The following EYS variants were observed in gnomAD, a reference collection of about 807,000 sequenced individuals.
The protein encoded by EYS is protein eyes shut homolog.
In EYS, 250 loss-of-function variants were observed where a neutral mutation model predicts 282.1. The observed-to-expected ratio is 0.89, with a 90% CI of 0.80 to 0.98. The LOEUF (loss-of-function observed/expected upper bound fraction) is 0.98, where lower values mean the gene tolerates loss of function less well. EYS is among the 50% of genes least tolerant of loss of function. EYS has a pLI of 0.00. For missense variants in EYS, 4,016 were observed against 3,709.0 expected (o/e 1.08, Z -2.15); for synonymous variants, 1,355 against 1,282.9 (o/e 1.06, Z -1.20).
intron 12 of EYS, among the ~76,000 whole-genome samples, chr6:65,153,939 A>G (rs535514069): frequency 6.6e-6 from 1 of 151,972 alleles, no homozygotes; most frequent in Non-Finnish European, 1.5e-5. Context: ...GATATCATTC[A>G]AAGTGCCTCC....
At chr6:64,711,109 C>T (rs1771198110) in intron 22 of EYS, among the ~76,000 whole-genome samples, 1 of 152,132 alleles carries the variant, frequency 6.6e-6, no homozygotes, top group Non-Finnish European at 1.5e-5. Context: ...GGTGTTAATA[C>T]TGTAATTAGG....
Position 64,390,497 on chromosome 6 carries a change from C to A in EYS, c.5928-1657G>T, listed in dbSNP as rs930808925. Among the ~76,000 whole-genome samples, 1,094 of 151,418 alleles carry A rather than the reference C, an allele frequency of 7.2e-3. 10 individuals carry two copies. The highest frequency in any genetic ancestry group is 0.025 in the African/African-American group (1,021 of 41,168). ...CCCGGAGCAGCCTAACTGGGAGGCA[C>A]CCCCCAGCAGGGGCACACTGACACC... is the stretch of plus-strand genomic sequence containing the variant. On this transcript the variant is annotated intron_variant, in intron 28 of 42. Transcript: ENST00000503581.
At chr6:64,555,434 G>C (rs1765207260) in intron 26 of EYS, among the ~76,000 whole-genome samples, 1 of 151,800 alleles carries the variant, frequency 6.6e-6, no homozygotes, top group Non-Finnish European at 1.5e-5. Context: ...CCTAATGTAT[G>C]ACACAGCGAC....
At chr6:64,050,953 C>T (rs575552702) in intron 33 of EYS, among the ~76,000 whole-genome samples, 2 of 152,196 alleles carry the variant, frequency 1.3e-5, no homozygotes, top group South Asian at 4.2e-4. Flanking sequence ...CTTGTTTGAG[C>T]ATATTATAAT....
intron 2 of EYS, among the ~76,000 whole-genome samples, chr6:65,534,951 G>A (rs1041459576): frequency 1.3e-5 from 2 of 152,014 alleles, no homozygotes; most frequent in African/African-American, 4.8e-5. Flanking sequence ...TCTTTTACAC[G>A]CATCTCATTG....
At chr6:64,392,572 A>G (rs1010808468) in intron 28 of EYS, among the ~76,000 whole-genome samples, 1 of 151,948 alleles carries the variant, frequency 6.6e-6, no homozygotes, top group Non-Finnish European at 1.5e-5. Context: ...ATGTTCTTTG[A>G]AACCAATGAG....
intron 40 of EYS, among the ~76,000 whole-genome samples, chr6:63,774,804 G>A (rs1770024134): frequency 6.6e-6 from 1 of 151,354 alleles, no homozygotes; most frequent in Non-Finnish European, 1.5e-5. Context: ...TAGACATGGT[G>A]GAAGAAATTG....
At chr6:64,716,887 A>T (rs965410549) in intron 22 of EYS, among the ~76,000 whole-genome samples, 5 of 152,208 alleles carry the variant, frequency 3.3e-5, no homozygotes, top group Admixed American at 2.6e-4. Context: ...GCCACATATT[A>T]TACAAAGTGG....
chr6:65,364,315 T>C (rs555732949), intron 8 of EYS, among the ~76,000 whole-genome samples: 2 of 151,072 alleles, frequency 1.3e-5, no homozygotes, highest in Non-Finnish European at 3.0e-5. Flanking sequence ...CCATAAGAAG[T>C]AGTAAATAAT....
At chr6:64,032,871 C>G (rs1417829711) in intron 33 of EYS, among the ~76,000 whole-genome samples, 1 of 152,202 alleles carries the variant, frequency 6.6e-6, no homozygotes. Context: ...TCCAGACATT[C>G]TCTGAACTGC....
chr6:65,500,101 T>G (rs1766395331), intron 2 of EYS, among the ~76,000 whole-genome samples: 1 of 152,020 alleles, frequency 6.6e-6, no homozygotes. Context: ...CAGTGGTGCA[T>G]GTATTGACCT....
chr6:65,140,031 G>T (rs1336940143), intron 12 of EYS, among the ~76,000 whole-genome samples: 2 of 151,864 alleles, frequency 1.3e-5, no homozygotes, highest in Non-Finnish European at 2.9e-5. Context: ...ATATCACCAC[G>T]AAGGCAATTA....
chr6:63,838,588 C>A (rs888044164), intron 36 of EYS, among the ~76,000 whole-genome samples: 2 of 152,096 alleles, frequency 1.3e-5, no homozygotes, highest in African/African-American at 4.8e-5. Context: ...TAAACCCTGT[C>A]TTTTAGTAGG....
intron 12 of EYS, among the ~76,000 whole-genome samples, chr6:65,238,131 A>G (rs1418060999): frequency 6.6e-6 from 1 of 151,836 alleles, no homozygotes; most frequent in African/African-American, 2.4e-5. Context: ...TGAATACTAT[A>G]TTATACAAAA....
At chr6:63,725,989 AAAATT>A (rs1768599850) in intron 42 of EYS, among the ~76,000 whole-genome samples, 2 of 152,184 alleles carry the variant, frequency 1.3e-5, no homozygotes, top group African/African-American at 2.4e-5. Context: ...TAAAACCTAA[AAAATT>A]AAATTTTAAA....
intron 39 of EYS, among the ~76,000 whole-genome samples, chr6:63,780,136 C>T (rs1010666804): frequency 6.6e-6 from 1 of 152,144 alleles, no homozygotes; most frequent in Non-Finnish European, 1.5e-5. Flanking sequence ...TTTTCTTAAT[C>T]CAGTCTATCA....
intron 29 of EYS, among the ~76,000 whole-genome samples, chr6:64,334,082 A>C (rs552543327): frequency 6.6e-6 from 1 of 152,204 alleles, no homozygotes; most frequent in Non-Finnish European, 1.5e-5. Context: ...CTAGGTCAAC[A>C]ATATTTTGAA....
chr6:64,203,157 G>T (rs968864437), intron 31 of EYS, among the ~76,000 whole-genome samples: 1 of 152,202 alleles, frequency 6.6e-6, no homozygotes, highest in African/African-American at 2.4e-5. Context: ...TATAAAGGCA[G>T]AAATGAGTGT....
intron 31 of EYS, among the ~76,000 whole-genome samples, chr6:64,084,593 C>T (rs1338691486): frequency 6.6e-6 from 1 of 152,112 alleles, no homozygotes; most frequent in Non-Finnish European, 1.5e-5. Flanking sequence ...TTATACCCTC[C>T]CCTAGAGGTG....
Sources: allele counts gnomAD v4.1 joint callset (sites outside exome capture counted in the v4.1 genomes callset), GRCh38; gene constraint gnomAD v4.1.1; transcripts MANE v1.5; gene names NCBI Gene and HGNC (gene_info 2026-07-23, HGNC 2026-07-21).